Variants in PTPRB observed in about 807,000 individuals in gnomAD.
The protein encoded by PTPRB is receptor-type tyrosine-protein phosphatase beta.
A neutral mutation model predicts 238.1 loss-of-function variants in PTPRB; 97 were observed. That is an observed-to-expected ratio of 0.41 (90% confidence interval 0.35 to 0.48). PTPRB has a LOEUF of 0.48. Ranked by LOEUF, PTPRB falls within the 20% of genes least tolerant of loss-of-function variation. The pLI is 0.30. For missense variants in PTPRB, 2,292 were observed against 2,681.9 expected, an observed-to-expected ratio of 0.85 and a Z score of 3.21; for synonymous variants, 970 against 995.4, an observed-to-expected ratio of 0.97 and a Z score of 0.48.
Position 70,594,467 on chromosome 12 carries a change from C to A in PTPRB, c.1516G>T (p.Ala506Ser). The A allele has an allele frequency of 1.9e-6, 3 of 1,613,680 alleles. No homozygotes were observed. Among genetic ancestry groups the A allele is most frequent in the Non-Finnish European group, 2.5e-6 (3 of 1,179,676 alleles). The change falls in exon 6 of 34, where the codon GCC becomes TCC. Residue 506 changes from alanine (A) to serine (S), a missense_variant and splice_region_variant. By Grantham distance (99) the Ala-to-Ser change is moderately conservative. Transcript: ENST00000334414. The stretch of plus-strand genomic sequence containing the variant: ...CTTCAGCTAGCTAGGGGGAACTTAC[C>A]TGTCCTGACTAGTTTCCACCTGTAG... ...QNYRWKLVRT[A>S]PMEVSNLKVT...
At position 70,521,489 on chromosome 12, in the gene PTPRB, T is replaced by C. The variant is rs1220586691; in HGVS notation, c.6648A>G (p.Ter2216TrpextTer4). The change falls in exon 34 of 34, where the codon TGA becomes TGG. Residue 2216 changes from the stop codon to tryptophan, a stop_lost. Transcript: ENST00000334414. ...YHRDPVYSRH[*>W] ...ATCCAGGAGCTCTTCAGGTACATTCTCAATGCCTTGAATAGACTGGATCTG... is the reference window on the plus strand; with the variant it reads ...ATCCAGGAGCTCTTCAGGTACATTCCCAATGCCTTGAATAGACTGGATCTG... 1 of 1,543,826 alleles carries C rather than the reference T, an allele frequency of 6.5e-7. No homozygotes were observed. The highest frequency in any genetic ancestry group is 8.7e-7 in the Non-Finnish European group (1 of 1,144,588).
At position 70,519,055 on chromosome 12, in the gene PTPRB, G is replaced by A. The variant is rs1004065786; in HGVS notation, c.*2434C>T. The A allele has an allele frequency of 1.5e-4, 23 of 152,068 alleles. No individual in the cohort carries two copies. The highest frequency in any genetic ancestry group is 5.3e-4 in the African/African-American group (22 of 41,386). The allele number at this position is 152,068 out of a possible 1,614,324, so 9.4% of individuals were successfully genotyped here. On this transcript the variant is annotated 3_prime_UTR_variant, in exon 34 of 34. Transcript: ENST00000334414. ...ATTTAGTCTTCCCAGGAGTAGGAGC[G>A]AATAGTGAAATATTTGTTGCTAAGA...
intron 2 of PTPRB, among the ~76,000 whole-genome samples, chr12:70,633,943 A>G (rs1442205): frequency 0.1 from 15,249 of 152,080 alleles, 992 homozygotes; most frequent in East Asian, 0.24. Flanking sequence ...AACAGTTATA[A>G]TGTTTCTATA....
chr12:70,562,859 T>C lies in PTPRB; in HGVS notation c.4153A>G (p.Ile1385Val), dbSNP rs767152990. The stretch of plus-strand genomic sequence containing the variant: ...TTGGTCTTACCTGTTCTACCAAATA[T>C]GAAAGACTCATTAGACAGCTCCCCA... ...HSGELSNESF[I>V]FGRTVPASVS... The change falls in exon 16 of 34, where the codon ATA (isoleucine) becomes GTA (valine). Residue 1385 changes from isoleucine (I) to valine (V), a missense_variant. Coordinates refer to ENST00000334414, the MANE Select transcript of PTPRB (RefSeq NM_001109754.4). 3 of 1,613,924 alleles carry C rather than the reference T, an allele frequency of 1.9e-6. No homozygotes were observed. The highest frequency in any genetic ancestry group is 1.7e-6 in the Non-Finnish European group (2 of 1,179,836).
At chr12:70,600,245 A>G (rs1220731359) in intron 4 of PTPRB, among the ~76,000 whole-genome samples, 2 of 152,214 alleles carry the variant, frequency 1.3e-5, no homozygotes, top group African/African-American at 2.4e-5. Context: ...TTACATCTGT[A>G]TAGGACCTGA....
chr12:70,590,180 G>A lies in PTPRB; in HGVS notation c.1834C>T (p.Leu612Phe), dbSNP rs756284984. ...GCAGGGGGCGACCAGCTCACTACAA[G>A]AGACCTCATCCTGCCATTATTGTTT... The part of the protein sequence containing the change: ...EANNNGRMRS[L>F]VVSWSPPAGD... Residue 612 changes from leucine to phenylalanine, a missense_variant, in exon 8 of 34, where the codon CTT (leucine) becomes TTT (phenylalanine). Physicochemically the swap from Leu to Phe is conservative, Grantham distance 22. Transcript: ENST00000334414. 1 of 1,605,344 alleles carries A rather than the reference G, an allele frequency of 6.2e-7. No individual in the cohort carries two copies.
intron 21 of PTPRB, among the ~76,000 whole-genome samples, chr12:70,548,441 GAA>G (rs781380340): frequency 6.6e-5 from 10 of 151,508 alleles, no homozygotes; most frequent in Non-Finnish European, 1.0e-4. Context: ...AAGAGGATCT[GAA>G]GTCTAGTTCT....
intron 11 of PTPRB, among the ~76,000 whole-genome samples, chr12:70,573,223 T>A (rs1281150798): frequency 6.6e-6 from 1 of 152,104 alleles, no homozygotes; most frequent in Non-Finnish European, 1.5e-5. Context: ...CAACAAAAAA[T>A]TTTGAAACCC....
chr12:70,539,909 A>G, intron 24 of PTPRB, 30 bp downstream of exon 24: 1 of 1,588,434 alleles, frequency 6.3e-7, no homozygotes, highest in Non-Finnish European at 8.6e-7. Flanking sequence ...ATCTTTCAAC[A>G]AATTATACGA....
At chr12:70,566,796 A>G in intron 14 of PTPRB, 92 bp from the exon 15 acceptor site, 2 of 1,326,668 alleles carry the variant, frequency 1.5e-6, no homozygotes, top group Non-Finnish European at 2.1e-6. Flanking sequence ...AACTGCAGGT[A>G]GAAGATGATG....
At position 70,534,604 on chromosome 12, in the gene PTPRB, C is replaced by T. The variant is rs945661205; in HGVS notation, c.6252G>A (p.Thr2084=). 9 of 1,612,886 alleles carry T rather than the reference C, an allele frequency of 5.6e-6. No individual in the cohort carries two copies. The highest frequency in any genetic ancestry group is 3.3e-5 in the Admixed American group (2 of 59,876). The change falls in exon 31 of 34, where the codon ACG becomes ACA. Residue 2084 remains threonine (T), a synonymous_variant. Transcript: ENST00000334414. ...AHRLIRHFHY[T]VWPDHGVPET... is the part of the protein sequence containing the mutation. ...CTGGGACTCCATGGTCTGGCCACAC[C>T]GTATAGTGAAAGTGGCGGATGAGTC...
chr12:70,597,839 C>A (rs923414316), intron 4 of PTPRB, among the ~76,000 whole-genome samples: 2 of 152,092 alleles, frequency 1.3e-5, no homozygotes, highest in African/African-American at 4.8e-5. Context: ...TATAAACAGA[C>A]AACTCATAAG....
chr12:70,634,660 T>C (rs73328165), intron 2 of PTPRB, among the ~76,000 whole-genome samples: 11,648 of 152,250 alleles, frequency 0.077, 503 homozygotes, highest in South Asian at 0.14. Flanking sequence ...GGCAAGTCTG[T>C]GGTCAAGCAT....
intron 18 of PTPRB, chr12:70,559,051 A>G (rs12318114): frequency 0.2 from 105,000 of 517,030 alleles, 11,350 homozygotes; most frequent in South Asian, 0.28. Flanking sequence ...ATTACCTAAC[A>G]AGTGTCTCCA....
intron 5 of PTPRB, among the ~76,000 whole-genome samples, chr12:70,594,963 T>C (rs1355683274): frequency 1.3e-5 from 2 of 152,000 alleles, no homozygotes; most frequent in Admixed American, 6.6e-5. Context: ...ACTTAATAGG[T>C]ATTAAGGTGG....
At chr12:70,527,725 A>C (rs1872623694) in intron 32 of PTPRB, 1 of 152,230 alleles carries the variant, frequency 6.6e-6, no homozygotes, top group Non-Finnish European at 1.5e-5. Context: ...TTTGTATCTC[A>C]AATAAAGACA....
chr12:70,577,145 C>T (rs12369529), intron 10 of PTPRB, among the ~76,000 whole-genome samples: 71,712 of 151,960 alleles, frequency 0.47, 17,174 homozygotes, highest in East Asian at 0.56. Context: ...TGAAGTTATT[C>T]ATTCCTGGGA....
rs1475510458 is a variant in PTPRB, at chr12:70,594,597, A to G, written c.1386T>C (p.His462=). Residue 462 remains histidine, a synonymous_variant, in exon 6 of 34, where the codon CAT becomes CAC. Coordinates refer to ENST00000334414, the MANE Select transcript of PTPRB (RefSeq NM_001109754.4). The stretch of plus-strand genomic sequence containing the variant: ...TAGCATGTTTGTCCACAACACCGCC[A>G]TGAACTAGGATCCCTTTATCCATTA... The part of the protein sequence containing the change: ...LMLMDKGILV[H]GGVVDKHATS... 1 of 1,614,000 alleles carries G rather than the reference A, an allele frequency of 6.2e-7. No homozygotes were observed. The highest frequency in any genetic ancestry group is 2.2e-5 in the East Asian group (1 of 44,874).
chr12:70,561,685 C>T lies in PTPRB; in HGVS notation c.4169-751G>A, dbSNP rs138986325. The stretch of plus-strand genomic sequence containing the variant: ...CTGTTGGGTGCCCTTGGAATATGTT[C>T]CCACGTGGCTCCCCTCACCTTTAGG... On this transcript the variant is annotated intron_variant, in intron 16 of 33. Coordinates refer to ENST00000334414, the MANE Select transcript of PTPRB (RefSeq NM_001109754.4). Among the ~76,000 whole-genome samples, 56 of 152,312 alleles carry T rather than the reference C, an allele frequency of 3.7e-4. 1 individual carries two copies. In the East Asian group the frequency reaches 9.5e-3, roughly 26 times the overall value.
Sources: allele counts gnomAD v4.1 joint callset (sites outside exome capture counted in the v4.1 genomes callset), GRCh38; gene constraint gnomAD v4.1.1; transcripts MANE v1.5; gene names NCBI Gene and HGNC (gene_info 2026-07-23, HGNC 2026-07-21).